SHISA4: variants seen among roughly 807,000 people sequenced by gnomAD.
The protein encoded by SHISA4 is shisa family member 4, also known as protein shisa-4.
SHISA4 carries 16 observed loss-of-function variants against 24.2 expected under a neutral mutation model. That is an observed-to-expected ratio of 0.66 (90% CI 0.45 to 1.00). The LOEUF is 1.00. Among genes scored for constraint, SHISA4 ranks in the 50% least tolerant of loss-of-function variants. SHISA4 has a pLI of 0.00. For synonymous variants in SHISA4, 106 were observed against 105.4 expected, an observed-to-expected ratio of 1.01 and a Z score of -0.04; for missense variants, 238 against 258.9, an observed-to-expected ratio of 0.92 and a Z score of 0.55.
In SHISA4 at chr1:201,889,009, G is replaced by A. The variant is rs1204259231; in HGVS notation, c.15G>A (p.Gly5=). ...CAGCCCCCACCATGCCACCCGCGGG[G>A]CTCCGCCGGGCCGCGCCGCTCACCG... is the stretch of plus-strand genomic sequence containing the variant. The part of the protein sequence containing the change: MPPA[G]LRRAAPLTAI... Residue 5 remains glycine (G), a synonymous_variant, in exon 1 of 5, where the codon GGG becomes GGA. Transcript: ENST00000362011. 1.2e-5 allele frequency: 16 copies of A among 1,382,574 alleles called. No homozygotes were observed. Among genetic ancestry groups the A allele is most frequent in the Admixed American group, 3.6e-5 (1 of 27,902 alleles). The allele number at this position is 1,382,574 out of a possible 1,614,324, so 85.6% of individuals were successfully genotyped here.
intron 2 of SHISA4, among the ~76,000 whole-genome samples, chr1:201,890,026 C>T (rs1228848900): frequency 2.0e-5 from 3 of 152,152 alleles, no homozygotes; most frequent in Non-Finnish European, 4.4e-5. Context: ...GGAGAAGACA[C>T]TTGCCTTCTA....
chr1:201,888,703 A>C, upstream of SHISA4: 1 of 320,766 alleles, frequency 3.1e-6, no homozygotes. Context: ...CTCGGATGGG[A>C]GGAACCACCG....
rs183641047 is a variant in SHISA4, at chr1:201,890,142, C to T, written c.246-312C>T. Among the ~76,000 whole-genome samples, 9 of 152,146 alleles carry T rather than the reference C, an allele frequency of 5.9e-5. No homozygotes were observed. The East Asian group carries it at 1.5e-3, about 26-fold the overall frequency. On this transcript the variant is annotated intron_variant, in intron 2 of 4. Coordinates refer to ENST00000362011, the MANE Select transcript of SHISA4 (RefSeq NM_198149.3). ...TTGAAGCGGGGTTTGGAAAAAATGG[C>T]TCTAGATTATTTCTAAGGCTCCTTT... is the stretch of plus-strand genomic sequence containing the variant.
chr1:201,890,364 C>G (rs1375130603), intron 2 of SHISA4, 90 bp from the exon 3 acceptor site: 3 of 1,521,764 alleles, frequency 2.0e-6, no homozygotes, highest in Non-Finnish European at 2.7e-6. Context: ...CATGCCATGG[C>G]CCCCCTGCTG....
At position 201,889,833 on chromosome 1, in the gene SHISA4, G is replaced by T. The variant is rs370525401; in HGVS notation, c.245+217G>T. Among the ~76,000 whole-genome samples the T allele has an allele frequency of 5.9e-5, 9 of 152,324 alleles. No individual in the cohort carries two copies. In the East Asian group the frequency reaches 1.4e-3, roughly 23 times the overall value. On this transcript the variant is annotated intron_variant, in intron 2 of 4. Coordinates refer to ENST00000362011, the MANE Select transcript of SHISA4 (RefSeq NM_198149.3). ...CATGTTAGTTACCTTCATAGGCTTT[G>T]ACTGGGCCCGGGGTTTCCAGGTTCT...
chr1:201,889,357 G>T, intron 1 of SHISA4, 88 bp from the exon 2 acceptor site: 1 of 1,560,978 alleles, frequency 6.4e-7, no homozygotes, highest in Non-Finnish European at 8.7e-7. Context: ...GAGCCGTCAG[G>T]CTGGGGACCG....
intron 3 of SHISA4, 126 bp downstream of exon 3, chr1:201,890,713 A>C: frequency 7.6e-7 from 1 of 1,307,396 alleles, no homozygotes; most frequent in Non-Finnish European, 1.0e-6. Context: ...CACACCTGCC[A>C]GCATGAAAAC....
At position 201,888,986 on chromosome 1, in the gene SHISA4, G is replaced by GC; in HGVS notation, c.-4dup. On this transcript the variant is annotated 5_prime_UTR_variant, in exon 1 of 5. Transcript: ENST00000362011. ...GGAGGCCCGACCCCGGCCGCGCCCA[G>GC]CCCCCACCATGCCACCCGCGGGGCT... The GC allele has an allele frequency of 7.2e-7, 1 of 1,392,366 alleles. No homozygotes were observed. 86.3% of individuals were successfully genotyped at this position (1,392,366 alleles called of 1,614,324 possible).
At chr1:201,889,204 C>G (rs1681044405) in intron 1 of SHISA4, 137 bp downstream of exon 1, 2 of 988,882 alleles carry the variant, frequency 2.0e-6, no homozygotes, top group Non-Finnish European at 2.9e-6. Flanking sequence ...GCTGGGTCCT[C>G]AAGAAGCGGG....
chr1:201,889,734 T>G, intron 2 of SHISA4, 118 bp downstream of exon 2: 13 of 1,204,302 alleles, frequency 1.1e-5, no homozygotes, highest in African/African-American at 1.5e-5. Context: ...CTTAGCTGAA[T>G]AGAGTCACCA....
chr1:201,888,883 G>A (rs1681036089), upstream of SHISA4: 4 of 644,334 alleles, frequency 6.2e-6, no homozygotes, highest in South Asian at 5.4e-5. Flanking sequence ...GGAGGCGGAA[G>A]AGGAGCCCGA....
At position 201,891,905 on chromosome 1, in the gene SHISA4, T is replaced by C; in HGVS notation, c.*59T>C. ...ATGCCAACCTTGGGAGATGCCCTCA[T>C]CCTGTACCTGCATCTGGTCCTGGGG... is the stretch of plus-strand genomic sequence containing the variant. On this transcript the variant is annotated 3_prime_UTR_variant, in exon 5 of 5. Coordinates refer to ENST00000362011, the MANE Select transcript of SHISA4 (RefSeq NM_198149.3). 1 of 1,592,420 alleles carries C rather than the reference T, an allele frequency of 6.3e-7. No individual in the cohort carries two copies. The highest frequency in any genetic ancestry group is 8.6e-7 in the Non-Finnish European group (1 of 1,160,674).
chr1:201,890,497 G>A lies in SHISA4; in HGVS notation c.289G>A (p.Val97Ile). 6.2e-7 allele frequency: 1 copy of A among 1,614,238 alleles called. No homozygotes were observed. Among genetic ancestry groups the A allele is most frequent in the Non-Finnish European group, 8.5e-7 (1 of 1,180,040 alleles). ...AGIASAVILFVAVVATTICCF... is the reference protein window; with the variant it reads ...AGIASAVILFIAVVATTICCF... Reference sequence around the variant, plus strand: ...CATCGCCTCAGCTGTGATCCTCTTTGTTGCTGTGGTTGCCACCACCATCTG... The same window carrying A: ...CATCGCCTCAGCTGTGATCCTCTTTATTGCTGTGGTTGCCACCACCATCTG... Residue 97 changes from valine (V) to isoleucine (I), a missense_variant, in exon 3 of 5, where the codon GTT becomes ATT. Coordinates refer to ENST00000362011, the MANE Select transcript of SHISA4 (RefSeq NM_198149.3).
chr1:201,890,337 G>A (rs886646433), intron 2 of SHISA4, 117 bp from the exon 3 acceptor site: 29 of 1,383,242 alleles, frequency 2.1e-5, no homozygotes, highest in Non-Finnish European at 2.7e-5. Flanking sequence ...AGCCCCACAA[G>A]GAACCCCAAA....
intron 2 of SHISA4, 108 bp downstream of exon 2, chr1:201,889,724 C>A: frequency 7.5e-7 from 1 of 1,326,636 alleles, no homozygotes; most frequent in Non-Finnish European, 1.1e-6. Flanking sequence ...CCTCCACATT[C>A]TTAGCTGAAT....
In SHISA4 at chr1:201,891,382, A is replaced by G. The variant is rs1333318547; in HGVS notation, c.380-19A>G. The G allele has an allele frequency of 6.2e-7, 1 of 1,613,586 alleles. No individual in the cohort carries two copies. Among genetic ancestry groups the G allele is most frequent in the Non-Finnish European group, 8.5e-7 (1 of 1,179,804 alleles). ...ATAGGAGATGGGTCTCTGAATGCTG[A>G]TCCTTCTCCCCCATCTAGGCCAGGA... On this transcript the variant is annotated intron_variant, in intron 3 of 4. Coordinates refer to ENST00000362011, the MANE Select transcript of SHISA4 (RefSeq NM_198149.3).
At chr1:201,889,155 CT>C in intron 1 of SHISA4, 88 bp downstream of exon 1, 2 of 1,222,988 alleles carry the variant, frequency 1.6e-6, no homozygotes, top group Non-Finnish European at 2.2e-6. Flanking sequence ...CTCGGGGCTT[CT>C]CCGAGACCCT....
chr1:201,889,767 C>CTAGGTGCT, intron 2 of SHISA4, 151 bp downstream of exon 2: 1 of 913,016 alleles, frequency 1.1e-6, no homozygotes, highest in South Asian at 1.6e-5. Context: ...GGCGGCAGAG[C>CTAGGTGCT]TAGGTGCTTA....
intron 3 of SHISA4, 107 bp downstream of exon 3, chr1:201,890,694 C>T (rs1571567795): frequency 1.4e-6 from 2 of 1,416,172 alleles, no homozygotes; most frequent in East Asian, 4.6e-5. Context: ...GTATGTGCTT[C>T]TGTATACACA....
Sources: allele counts gnomAD v4.1 joint callset (sites outside exome capture counted in the v4.1 genomes callset), GRCh38; gene constraint gnomAD v4.1.1; transcripts MANE v1.5; gene names NCBI Gene and HGNC (gene_info 2026-07-23, HGNC 2026-07-21).